Variants in CHD9 observed in about 807,000 individuals in gnomAD.
CHD9 encodes chromodomain helicase DNA binding protein 9, also known as ATP-dependent chromatin remodeler CHD9.
A neutral mutation model predicts 316.1 loss-of-function variants in CHD9; 77 were observed. That is an observed-to-expected ratio of 0.24 (90% CI 0.20 to 0.29). The LOEUF (loss-of-function observed/expected upper bound fraction) is 0.29, where lower values mean the gene tolerates loss of function less well. CHD9 is among the 10% of genes least tolerant of loss of function. The pLI is 1.00. For synonymous variants in CHD9, 1,129 were observed against 1,158.3 expected (o/e 0.97, Z 0.51); for missense variants, 2,763 against 3,438.1 (o/e 0.80, Z 4.91).
At chr16:53,323,352 A>G (rs2057391552) in intron 38 of CHD9, among the ~76,000 whole-genome samples, 1 of 152,300 alleles carries the variant, frequency 6.6e-6, no homozygotes, top group South Asian at 2.1e-4. Flanking sequence ...TTGTATTTCT[A>G]TTAGATAGTG....
chr16:53,193,102 G>T (rs1339459978), intron 2 of CHD9, among the ~76,000 whole-genome samples: 1 of 152,036 alleles, frequency 6.6e-6, no homozygotes, highest in Non-Finnish European at 1.5e-5. Context: ...GCAGCATATA[G>T]GAGTTCCTGT....
At chr16:53,090,180 A>G (rs946093744) in intron 1 of CHD9, among the ~76,000 whole-genome samples, 5 of 152,158 alleles carry the variant, frequency 3.3e-5, no homozygotes, top group Non-Finnish European at 5.9e-5. Context: ...TTCTGAACAC[A>G]TTGAGAAAGA....
At chr16:53,258,316 G>A (rs2152984209) in intron 19 of CHD9, among the ~76,000 whole-genome samples, 1 of 152,188 alleles carries the variant, frequency 6.6e-6, no homozygotes, top group East Asian at 1.9e-4. Context: ...TCTGAGAATT[G>A]AGAAATGCTT....
chr16:53,173,567 C>T (rs924485223), intron 2 of CHD9, among the ~76,000 whole-genome samples: 13 of 151,090 alleles, frequency 8.6e-5, no homozygotes, highest in Admixed American at 3.3e-4. Context: ...TTTTTTAAGA[C>T]GGAGTCTCGC....
chr16:53,066,971 T>G (rs553025781), intron 1 of CHD9, among the ~76,000 whole-genome samples: 8 of 152,312 alleles, frequency 5.3e-5, no homozygotes, highest in South Asian at 4.1e-4. Flanking sequence ...TGAGACAAGG[T>G]CTCTCTCTGT....
At chr16:53,130,984 G>T (rs2039228057) in intron 1 of CHD9, 2 of 152,384 alleles carry the variant, frequency 1.3e-5, no homozygotes, top group African/African-American at 2.4e-5. Context: ...CGGCGCGGGG[G>T]AGGCGGTGCC....
In CHD9 at chr16:53,245,613, A is replaced by G; in HGVS notation, c.3217A>G (p.Ile1073Val). ...TEEQVQKLQA[I>V]LKPMMLRRLK... is the part of the protein sequence containing the mutation. Reference sequence around the variant, plus strand: ...TATTCAGGTACAGAAACTTCAGGCTATCCTGAAACCAATGATGTTGAGACG... The same window carrying G: ...TATTCAGGTACAGAAACTTCAGGCTGTCCTGAAACCAATGATGTTGAGACG... Residue 1073 changes from isoleucine (I) to valine (V), a missense_variant, in exon 15 of 39, where the codon ATC becomes GTC. Around this residue, in one of 15 missense-constraint regions of CHD9, gnomAD observed 155 missense variants for 291.8 expected, o/e 0.53. Coordinates refer to ENST00000447540, the MANE Select transcript of CHD9 (RefSeq NM_001308319.2). This position sits in a 1 kb window ranked among gnomAD's most constrained non-coding sequence, Gnocchi z 4.1. 1 of 1,580,810 alleles carries G rather than the reference A, an allele frequency of 6.3e-7. No homozygotes were observed. Among genetic ancestry groups the G allele is most frequent in the Non-Finnish European group, 8.6e-7 (1 of 1,167,556 alleles).
chr16:53,057,224 C>A (rs1484258801), intron 1 of CHD9, among the ~76,000 whole-genome samples: 3 of 151,920 alleles, frequency 2.0e-5, no homozygotes, highest in African/African-American at 7.2e-5. Context: ...CACCTGTAAT[C>A]CCAGCACTTT....
At position 53,267,567 on chromosome 16, in the gene CHD9, A is replaced by G. The variant is rs2051818347; in HGVS notation, c.4517+77A>G. 5 of 1,035,820 alleles carry G rather than the reference A, an allele frequency of 4.8e-6. No homozygotes were observed. The South Asian group carries it at 1.0e-4, about 21-fold the overall frequency. The allele number at this position is 1,035,820 out of a possible 1,614,324, so 64.2% of individuals were successfully genotyped here. A position where few individuals can be genotyped will look rare whatever the true frequency, so the allele number is the denominator to read the frequency against. On this transcript the variant is annotated intron_variant, in intron 21 of 38. Coordinates refer to ENST00000447540, the MANE Select transcript of CHD9 (RefSeq NM_001308319.2). ...CAGAAAATATATACTGGTTTTGAGTATATTTTTTATCTTCTTAGAATCATT... is the reference window on the plus strand; with the variant it reads ...CAGAAAATATATACTGGTTTTGAGTGTATTTTTTATCTTCTTAGAATCATT...
At chr16:53,185,951 G>C (rs137899772) in intron 2 of CHD9, among the ~76,000 whole-genome samples, 51 of 152,354 alleles carry the variant, frequency 3.3e-4, no homozygotes, top group African/African-American at 1.2e-3. Flanking sequence ...GAAGTGTGCT[G>C]CAGGAGTGGA....
intron 11 of CHD9, among the ~76,000 whole-genome samples, chr16:53,236,574 TTCTC>T (rs373323219): frequency 1.7e-4 from 26 of 151,346 alleles, no homozygotes; most frequent in Admixed American, 1.3e-3. Flanking sequence ...TTGGCTCTGC[TTCTC>T]TCTCTCTCTC....
rs546375275 is a variant in CHD9, at chr16:53,190,425, C to T, written c.1453-19057C>T. Reference sequence around the variant, plus strand: ...TAATATGTTAAGCTTTATCATGACGCGCCAAGGAGGAGGAAATACAAGGCT... The same window carrying T: ...TAATATGTTAAGCTTTATCATGACGTGCCAAGGAGGAGGAAATACAAGGCT... On this transcript the variant is annotated intron_variant, in intron 2 of 38. Transcript: ENST00000447540. Among the ~76,000 whole-genome samples the T allele has an allele frequency of 2.0e-4, 30 of 151,944 alleles. No homozygotes were observed. In the South Asian group the frequency reaches 5.6e-3, roughly 28 times the overall value.
rs542230624 is a variant in CHD9, at chr16:53,263,149, A to G, written c.4320+52A>G. The G allele has an allele frequency of 6.7e-6, 9 of 1,334,932 alleles. No homozygotes were observed. The East Asian group carries it at 1.6e-4, about 24-fold the overall frequency. The allele number at this position is 1,334,932 out of a possible 1,614,324, so 82.7% of individuals were successfully genotyped here. On this transcript the variant is annotated intron_variant, in intron 20 of 38. Transcript: ENST00000447540. ...AACTTGCTTTTGGGATACTTTGGCA[A>G]TAGTATTGTAATATTTTAAGGTGTT...
intron 1 of CHD9, among the ~76,000 whole-genome samples, chr16:53,077,050 T>C (rs930105253): frequency 6.6e-6 from 1 of 151,140 alleles, no homozygotes; most frequent in Admixed American, 6.6e-5. Context: ...TGCAGTGGCA[T>C]GATCTTGGCT....
At chr16:53,081,208 C>A (rs1283138567) in intron 1 of CHD9, among the ~76,000 whole-genome samples, 1 of 152,178 alleles carries the variant, frequency 6.6e-6, no homozygotes, top group Non-Finnish European at 1.5e-5. Flanking sequence ...GGAAAATCTC[C>A]CAGGGACTGT....
At position 53,208,024 on chromosome 16, in the gene CHD9, A is replaced by G. The variant is rs2046019147; in HGVS notation, c.1453-1458A>G. 9 of 995,190 alleles carry G rather than the reference A, an allele frequency of 9.0e-6. No individual in the cohort carries two copies. The South Asian group carries it at 2.9e-4, about 33-fold the overall frequency. The allele number at this position is 995,190 out of a possible 1,614,324, so 61.6% of individuals were successfully genotyped here. A position where few individuals can be genotyped will look rare whatever the true frequency, so the allele number is the denominator to read the frequency against. On this transcript the variant is annotated intron_variant, in intron 2 of 38. Transcript: ENST00000447540. ...ATGCATTTTGATGCTTTGTGCATTC[A>G]TTTCTTTCTGTGCTTTGTTGGAATC...
At chr16:53,240,960 C>T (rs1292863608) in intron 12 of CHD9, among the ~76,000 whole-genome samples, 1 of 151,854 alleles carries the variant, frequency 6.6e-6, no homozygotes, top group Non-Finnish European at 1.5e-5. Context: ...ATTCAAGAGC[C>T]CTTGTTATTA....
At chr16:53,254,710 C>T (rs2050430057) in intron 18 of CHD9, 105 bp downstream of exon 18, 1 of 954,266 alleles carries the variant, frequency 1.0e-6, no homozygotes, top group African/African-American at 1.6e-5. Flanking sequence ...ATACTAAACA[C>T]ATTTGTTTTC....
At chr16:53,302,595 A>AT (rs2055546483) in intron 30 of CHD9, among the ~76,000 whole-genome samples, 2 of 152,182 alleles carry the variant, frequency 1.3e-5, no homozygotes, top group South Asian at 4.1e-4. Flanking sequence ...TCACCCATTG[A>AT]TTTTTAGTAT....
Sources: allele counts gnomAD v4.1 joint callset (sites outside exome capture counted in the v4.1 genomes callset), GRCh38; gene constraint gnomAD v4.1.1; regional missense constraint gnomAD v4.1.1; non-coding constraint Gnocchi (gnomAD v3.1); transcripts MANE v1.5; gene names NCBI Gene and HGNC (gene_info 2026-07-23, HGNC 2026-07-21).